Variants in ZBTB40 observed in about 807,000 individuals in gnomAD.
The protein encoded by ZBTB40 is zinc finger and BTB domain containing 40.
A neutral mutation model predicts 117.5 loss-of-function variants in ZBTB40; 60 were observed. The ratio of observed to expected loss-of-function variants is 0.51; its 90% confidence interval spans 0.41 to 0.63. The LOEUF (loss-of-function observed/expected upper bound fraction) is 0.63, where lower values mean the gene tolerates loss of function less well. Ranked by LOEUF, ZBTB40 falls within the 30% of genes least tolerant of loss-of-function variation. The pLI is 0.00. For synonymous variants in ZBTB40, 525 were observed against 577.1 expected (o/e 0.91, Z 1.29); for missense variants, 1,287 against 1,498.5 (o/e 0.86, Z 2.33).
chr1:22,528,948 C>T lies in ZBTB40; in HGVS notation c.*2552C>T, dbSNP rs12137696. On this transcript the variant is annotated 3_prime_UTR_variant, in exon 18 of 18. Transcript: ENST00000375647. ...TGGCTGCCGGGGCCCATCAGATGCC[C>T]TCTGGCCCATGGCACACTCAGCAGA... The T allele has an allele frequency of 0.3, 45,558 of 152,114 alleles. 7,201 individuals carry two copies. The highest frequency in any genetic ancestry group is 0.37 in the Middle Eastern group (109 of 294). The allele number at this position is 152,114 out of a possible 1,614,324, so 9.4% of individuals were successfully genotyped here.
rs545211758 is a variant in ZBTB40 at position 22,473,118 on chromosome 1, A to C, written c.-69-16762A>C. On this transcript the variant is annotated intron_variant, in intron 1 of 17. Transcript: ENST00000375647. ...TAATAATTAGATGTGATTTGAGATT[A>C]GGTATTGTTGTACAGCACTTTGCTA... is the stretch of plus-strand genomic sequence containing the variant. Among the ~76,000 whole-genome samples the C allele has an allele frequency of 6.6e-5, 10 of 152,326 alleles. No homozygotes were observed. The East Asian group carries it at 1.5e-3, about 23-fold the overall frequency.
rs1167212251 is a variant in ZBTB40, at chr1:22,528,545, T to G, written c.*2149T>G. 1 of 152,328 alleles carries G rather than the reference T, an allele frequency of 6.6e-6. No homozygotes were observed. The highest frequency in any genetic ancestry group is 1.5e-5 in the Non-Finnish European group (1 of 68,032). The allele number at this position is 152,328 out of a possible 1,614,324, so 9.4% of individuals were successfully genotyped here. ...AAATTCTTTCTCAGGTTTCTTTTTT[T>G]GGGGGAGACAGGGTCTTGCTCTGTC... On this transcript the variant is annotated 3_prime_UTR_variant, in exon 18 of 18. Coordinates refer to ENST00000375647, the MANE Select transcript of ZBTB40 (RefSeq NM_014870.4).
intron 2 of ZBTB40, among the ~76,000 whole-genome samples, chr1:22,491,116 C>T (rs1338315268): frequency 4.6e-5 from 7 of 152,130 alleles, no homozygotes; most frequent in African/African-American, 1.2e-4. Context: ...AGGCTGGTCT[C>T]GAATTCCTGA....
intron 5 of ZBTB40, among the ~76,000 whole-genome samples, chr1:22,505,555 AATT>A (rs1461404029): frequency 6.6e-6 from 1 of 152,226 alleles, no homozygotes; most frequent in African/African-American, 2.4e-5. Context: ...TAATTATACA[AATT>A]ATCTGAGTAT....
At chr1:22,507,671 G>C (rs1286771390) in intron 6 of ZBTB40, among the ~76,000 whole-genome samples, 1 of 152,118 alleles carries the variant, frequency 6.6e-6, no homozygotes, top group Non-Finnish European at 1.5e-5. Context: ...TCTACCTCAG[G>C]CTTGACAAAC....
intron 1 of ZBTB40, among the ~76,000 whole-genome samples, chr1:22,476,419 C>T (rs1250132059): frequency 1.3e-5 from 2 of 152,090 alleles, no homozygotes; most frequent in African/African-American, 2.4e-5. Context: ...GGGGTTTTGC[C>T]GTGTTGCCCA....
chr1:22,472,557 G>T (rs887423179), intron 1 of ZBTB40, among the ~76,000 whole-genome samples: 2 of 152,214 alleles, frequency 1.3e-5, no homozygotes, highest in African/African-American at 4.8e-5. Flanking sequence ...GTTGAATACA[G>T]CTTTCAGGGG....
At chr1:22,477,006 AAGTT>A (rs1161965835) in intron 1 of ZBTB40, among the ~76,000 whole-genome samples, 1 of 152,182 alleles carries the variant, frequency 6.6e-6, no homozygotes, top group Non-Finnish European at 1.5e-5. Flanking sequence ...CTTGCAAAGA[AAGTT>A]AGGCAGAAAC....
At chr1:22,502,172 A>G (rs946243620) in intron 4 of ZBTB40, 127 bp from the exon 5 acceptor site, 5 of 1,105,262 alleles carry the variant, frequency 4.5e-6, no homozygotes, top group African/African-American at 1.6e-5. Context: ...GCGATTCTGC[A>G]TTCAGGTGCT....
In ZBTB40 at chr1:22,481,787, CAAAAAA is replaced by C. The variant is rs766474050; in HGVS notation, c.-69-8070_-69-8065del. Among the ~76,000 whole-genome samples the C allele has an allele frequency of 3.9e-3, 254 of 64,308 alleles. 1 individual carries two copies. Among genetic ancestry groups the C allele is most frequent in the African/African-American group, 0.016 (231 of 14,592 alleles). 42.2% of individuals were successfully genotyped at this position (64,308 alleles called of 152,430 possible). On this transcript the variant is annotated intron_variant, in intron 1 of 17. Coordinates refer to ENST00000375647, the MANE Select transcript of ZBTB40 (RefSeq NM_014870.4). ...CCGTAAGACTTATGTCTTGTTTTAC[CAAAAAA>C]AAAAAAAAAAAAAAAAAAAAAATCA...
At chr1:22,434,297 G>A (rs1360182079) in intron 1 of ZBTB40, among the ~76,000 whole-genome samples, 1 of 152,148 alleles carries the variant, frequency 6.6e-6, no homozygotes, top group African/African-American at 2.4e-5. Flanking sequence ...AGATTTTGAA[G>A]ATTTTTGGTC....
upstream of ZBTB40, among the ~76,000 whole-genome samples, chr1:22,448,967 C>T (rs998348162): frequency 8.5e-5 from 13 of 152,070 alleles, no homozygotes; most frequent in African/African-American, 2.9e-4. Flanking sequence ...CCAGCACCAC[C>T]ATGCCCAACT....
chr1:22,441,964 T>C (rs1640738198), intron 1 of ZBTB40, among the ~76,000 whole-genome samples: 1 of 152,242 alleles, frequency 6.6e-6, no homozygotes, highest in East Asian at 1.9e-4. Context: ...GGGTATATTG[T>C]GTTTTCATTT....
intron 6 of ZBTB40, 114 bp from the exon 7 acceptor site, chr1:22,507,887 G>C: frequency 6.8e-7 from 1 of 1,481,310 alleles, no homozygotes; most frequent in Non-Finnish European, 9.4e-7. Context: ...CTCTGCAGAG[G>C]ACACTGAGCC....
At chr1:22,496,909 A>G (rs1638792456) in intron 3 of ZBTB40, among the ~76,000 whole-genome samples, 1 of 152,208 alleles carries the variant, frequency 6.6e-6, no homozygotes, top group Admixed American at 6.5e-5. Flanking sequence ...CCAGTGGTGG[A>G]TCAGTCCAAG....
At chr1:22,504,939 ATTT>A (rs1427850674) in intron 5 of ZBTB40, among the ~76,000 whole-genome samples, 4 of 152,244 alleles carry the variant, frequency 2.6e-5, no homozygotes, top group Non-Finnish European at 5.9e-5. Context: ...CAAGCTCTTA[ATTT>A]TTAAATTATG....
At chr1:22,475,974 A>T (rs147935545) in intron 1 of ZBTB40, among the ~76,000 whole-genome samples, 1 of 152,238 alleles carries the variant, frequency 6.6e-6, no homozygotes, top group South Asian at 2.1e-4. Context: ...CCTGAGGCAC[A>T]GAAGAGAGCC....
At chr1:22,501,789 G>A (rs1298189520) in intron 4 of ZBTB40, 105 bp downstream of exon 4, 35 of 1,279,016 alleles carry the variant, frequency 2.7e-5, no homozygotes, top group East Asian at 2.5e-5. Flanking sequence ...TTATTAAGTG[G>A]TTTTCACATA....
At chr1:22,463,962 A>G (rs4233289) in intron 1 of ZBTB40, among the ~76,000 whole-genome samples, 1 of 152,080 alleles carries the variant, frequency 6.6e-6, no homozygotes. Context: ...GAAAACAAAC[A>G]TTTCTAGTGG....
Sources: gnomAD v4.1 joint callset for allele counts (sites outside exome capture counted in the v4.1 genomes callset) on GRCh38, gnomAD v4.1.1 for gene constraint, MANE v1.5 for transcripts, NCBI Gene and HGNC (gene_info 2026-07-23, HGNC 2026-07-21) for gene names.